The following FAM13A variants were observed in gnomAD, a reference collection of about 807,000 sequenced individuals.
FAM13A encodes the protein protein FAM13A.
In FAM13A, 76 loss-of-function variants were observed where a neutral mutation model predicts 129.6. The observed-to-expected ratio is 0.59, with a 90% CI of 0.49 to 0.71. The LOEUF (loss-of-function observed/expected upper bound fraction) is 0.71, where lower values mean the gene tolerates loss of function less well. Ranked by LOEUF, FAM13A falls within the 30% of genes least tolerant of loss-of-function variation. The probability of loss-of-function intolerance (pLI) is 0.00; values close to 1 mark genes in which losing one functional copy is unlikely to be tolerated. For synonymous variants in FAM13A, 443 were observed against 449.9 expected (o/e 0.98, Z 0.20); for missense variants, 1,108 against 1,249.3 (o/e 0.89, Z 1.70).
rs189857286 is a variant in FAM13A at position 88,968,478 on chromosome 4, G to A, written c.605+22495C>T. 2.5e-3 allele frequency among the ~76,000 whole-genome samples: 373 copies of A among 152,054 alleles called. 2 individuals are homozygous for A. The highest frequency in any genetic ancestry group is 3.4e-3 in the Non-Finnish European group (233 of 67,946). ...TTCGCTATGACCGAGAATCAGGAGG[G>A]GATACAGTAATTACTTACTCTACAA... On this transcript the variant is annotated intron_variant, in intron 4 of 23. Coordinates refer to ENST00000264344, the MANE Select transcript of FAM13A (RefSeq NM_014883.4).
At chr4:88,964,187 T>C (rs1243996405) in intron 4 of FAM13A, among the ~76,000 whole-genome samples, 2 of 152,212 alleles carry the variant, frequency 1.3e-5, no homozygotes, top group African/African-American at 4.8e-5. Context: ...ACTTAATGTA[T>C]ATGTAAACAG....
intron 4 of FAM13A, among the ~76,000 whole-genome samples, chr4:88,961,346 CCTTTTTTTTTTTTTTTTTTTTT>C (rs1758576131): frequency 2.2e-5 from 2 of 89,326 alleles, no homozygotes; most frequent in Non-Finnish European, 4.6e-5. Context: ...GTGGAATTTG[CCTTTTTTTTTTTTTTTTTTTTT>C]TTTTTTTTTT....
intron 10 of FAM13A, among the ~76,000 whole-genome samples, chr4:88,786,039 T>TA (rs1373149880): frequency 6.6e-6 from 1 of 152,126 alleles, no homozygotes; most frequent in Admixed American, 6.5e-5. Flanking sequence ...ATACTGCTAG[T>TA]AAAAAACAAT....
At chr4:88,892,786 G>T (rs1017309697) in intron 6 of FAM13A, among the ~76,000 whole-genome samples, 1 of 151,978 alleles carries the variant, frequency 6.6e-6, no homozygotes, top group East Asian at 1.9e-4. Context: ...AAGAAAAAAA[G>T]AAAACAAGTC....
At chr4:88,985,655 T>TG (rs1389267671) in intron 4 of FAM13A, among the ~76,000 whole-genome samples, 1 of 152,176 alleles carries the variant, frequency 6.6e-6, no homozygotes, top group African/African-American at 2.4e-5. Flanking sequence ...TCTAATGATA[T>TG]AGAGGCATTT....
chr4:88,880,299 C>T (rs982793616), intron 6 of FAM13A, among the ~76,000 whole-genome samples: 4 of 152,112 alleles, frequency 2.6e-5, no homozygotes, highest in Admixed American at 1.3e-4. Context: ...CGTCCAGCCC[C>T]GAACACACAC....
intron 7 of FAM13A, chr4:88,822,939 A>C (rs777179363): frequency 1.2e-6 from 2 of 1,608,290 alleles, no homozygotes; most frequent in South Asian, 2.2e-5. Context: ...AACTCAAAAA[A>C]TACATAGCAG....
At chr4:88,889,355 G>A (rs1358566355) in intron 6 of FAM13A, among the ~76,000 whole-genome samples, 2 of 152,148 alleles carry the variant, frequency 1.3e-5, no homozygotes, top group African/African-American at 4.8e-5. Flanking sequence ...ACCAAGAAGA[G>A]CCATGTCTAG....
At chr4:89,042,811 T>A (rs934549267) in intron 1 of FAM13A, among the ~76,000 whole-genome samples, 1 of 152,218 alleles carries the variant, frequency 6.6e-6, no homozygotes, top group Admixed American at 6.5e-5. Context: ...TAAAATTGCT[T>A]AAATCGCCTT....
intron 14 of FAM13A, among the ~76,000 whole-genome samples, chr4:88,755,993 T>C (rs73841696): frequency 0.017 from 2,526 of 152,328 alleles, 74 homozygotes; most frequent in African/African-American, 0.058. Context: ...CAGGACATAC[T>C]GAATAGAGTA....
intron 7 of FAM13A, among the ~76,000 whole-genome samples, chr4:88,838,819 G>T (rs1473906251): frequency 6.6e-6 from 1 of 152,088 alleles, no homozygotes; most frequent in Non-Finnish European, 1.5e-5. Flanking sequence ...ACTTTTACCT[G>T]CAGCTAGTGT....
chr4:89,003,538 G>A (rs2149061660), intron 3 of FAM13A, among the ~76,000 whole-genome samples: 1 of 152,124 alleles, frequency 6.6e-6, no homozygotes, highest in East Asian at 1.9e-4. Context: ...GGTTATAGGT[G>A]TGCGGGAGGT....
chr4:88,835,984 T>A (rs554538458), intron 7 of FAM13A, among the ~76,000 whole-genome samples: 1 of 151,658 alleles, frequency 6.6e-6, no homozygotes, highest in Non-Finnish European at 1.5e-5. Context: ...GCATCTGTCA[T>A]CCATCCTTGA....
At chr4:88,841,127 AC>A (rs776011098) in intron 7 of FAM13A, among the ~76,000 whole-genome samples, 1 of 152,234 alleles carries the variant, frequency 6.6e-6, no homozygotes, top group Non-Finnish European at 1.5e-5. Context: ...TGTGTCATCA[AC>A]TTTATAAACA....
At chr4:88,842,342 T>C (rs1735980246) in intron 7 of FAM13A, among the ~76,000 whole-genome samples, 2 of 152,222 alleles carry the variant, frequency 1.3e-5, no homozygotes, top group Non-Finnish European at 2.9e-5. Flanking sequence ...ATAATGTGGT[T>C]GTAATGTAGC....
chr4:89,032,198 T>C (rs1451293673), intron 1 of FAM13A, among the ~76,000 whole-genome samples: 2 of 151,448 alleles, frequency 1.3e-5, no homozygotes, highest in African/African-American at 4.9e-5. Flanking sequence ...TGAGCCGAGA[T>C]CACGCCACTG....
intron 6 of FAM13A, among the ~76,000 whole-genome samples, chr4:88,881,848 A>C (rs1450335851): frequency 6.6e-6 from 1 of 152,184 alleles, no homozygotes. Context: ...GGAACGTGTC[A>C]GCGATAGAAT....
At chr4:88,879,250 GCTTA>G (rs1743129627) in intron 6 of FAM13A, among the ~76,000 whole-genome samples, 1 of 152,154 alleles carries the variant, frequency 6.6e-6, no homozygotes, top group African/African-American at 2.4e-5. Flanking sequence ...ATCCCTAGAT[GCTTA>G]CTAAGTTCCA....
intron 3 of FAM13A, among the ~76,000 whole-genome samples, chr4:89,010,049 G>A (rs979416145): frequency 2.6e-5 from 4 of 152,092 alleles, no homozygotes; most frequent in Admixed American, 1.3e-4. Flanking sequence ...TTTTTTATTT[G>A]TTTATTAAGC....
Sources: gnomAD v4.1 joint callset for allele counts (sites outside exome capture counted in the v4.1 genomes callset) on GRCh38, gnomAD v4.1.1 for gene constraint, MANE v1.5 for transcripts, NCBI Gene and HGNC (gene_info 2026-07-23, HGNC 2026-07-21) for gene names.